The following AFF3 variants were observed in gnomAD, a reference collection of about 807,000 sequenced individuals.
AFF3 encodes ALF transcription elongation factor 3.
In AFF3, 32 loss-of-function variants were observed where a neutral mutation model predicts 129.7. The observed-to-expected ratio is 0.25, with a 90% CI of 0.19 to 0.33. The LOEUF (loss-of-function observed/expected upper bound fraction) is 0.33, where lower values mean the gene tolerates loss of function less well. Among genes scored for constraint, AFF3 ranks in the 10% least tolerant of loss-of-function variants. The probability of loss-of-function intolerance (pLI) is 1.00; values close to 1 mark genes in which losing one functional copy is unlikely to be tolerated. For synonymous variants in AFF3, 644 were observed against 635.4 expected (o/e 1.01, Z -0.20); for missense variants, 1,373 against 1,592.0 (o/e 0.86, Z 2.34).
At chr2:99,804,044 A>G in intron 8 of AFF3, among the ~76,000 whole-genome samples, 1 of 152,148 alleles carries the variant, frequency 6.6e-6, no homozygotes. Flanking sequence ...ATGACTAAGA[A>G]CCCAAAAGCA....
chr2:99,950,181 T>C (rs925495691), intron 7 of AFF3, among the ~76,000 whole-genome samples: 3 of 152,206 alleles, frequency 2.0e-5, no homozygotes, highest in Non-Finnish European at 4.4e-5. Flanking sequence ...TCAACTCAGT[T>C]TGGACAAATA....
intron 14 of AFF3, among the ~76,000 whole-genome samples, chr2:99,595,683 G>A (rs982934332): frequency 1.3e-5 from 2 of 152,112 alleles, no homozygotes; most frequent in African/African-American, 4.8e-5. Context: ...CAGGGCTCTT[G>A]GCCTCACCCC....
intron 7 of AFF3, among the ~76,000 whole-genome samples, chr2:99,855,723 G>C (rs138266168): frequency 2.0e-5 from 3 of 152,128 alleles, no homozygotes; most frequent in African/African-American, 4.8e-5. Flanking sequence ...AAGGTGGAGC[G>C]TAACTCCCCA....
intron 15 of AFF3, among the ~76,000 whole-genome samples, chr2:99,591,679 C>T (rs969385240): frequency 2.6e-5 from 4 of 152,194 alleles, no homozygotes; most frequent in East Asian, 1.9e-4. Context: ...AGCTGTGAAA[C>T]GTATGTGTCC....
chr2:99,578,447 G>T lies in AFF3; in HGVS notation c.2798C>A (p.Ala933Glu). 1 of 1,609,562 alleles carries T rather than the reference G, an allele frequency of 6.2e-7. No individual in the cohort carries two copies. Among genetic ancestry groups the T allele is most frequent in the East Asian group, 2.2e-5 (1 of 44,686 alleles). The change falls in exon 18 of 25, where the codon GCA (alanine) becomes GAA (glutamate). Residue 933 changes from alanine (A) to glutamate (E), a missense_variant. This residue lies in a region of AFF3 where 466 missense variants were observed against 505.0 expected (regional missense o/e 0.92). Transcript: ENST00000672756. ...LQPHGGDLTK[A>E]AHNNSENIPL... The stretch of plus-strand genomic sequence containing the variant: ...AATGTTTTCAGAATTGTTGTGAGCT[G>T]CTTTCTAAACAACAAACAACACACA...
chr2:99,996,378 G>C (rs561109164), intron 7 of AFF3, among the ~76,000 whole-genome samples: 1 of 152,208 alleles, frequency 6.6e-6, no homozygotes, highest in East Asian at 1.9e-4. Flanking sequence ...TAGAACCACA[G>C]GTGATTTTTT....
At chr2:100,136,405 G>A (rs993695336) in intron 1 of AFF3, among the ~76,000 whole-genome samples, 3 of 152,216 alleles carry the variant, frequency 2.0e-5, no homozygotes, top group Non-Finnish European at 1.5e-5. Context: ...TGATCTGGGA[G>A]GCAGAGGAGG....
chr2:99,566,983 T>C (rs886618834), intron 19 of AFF3, among the ~76,000 whole-genome samples: 7 of 151,734 alleles, frequency 4.6e-5, no homozygotes, highest in Non-Finnish European at 8.8e-5. Context: ...TTTTTTTTTT[T>C]TGGAGACAGG....
intron 11 of AFF3, among the ~76,000 whole-genome samples, chr2:99,677,719 C>A (rs549249546): frequency 6.6e-6 from 1 of 152,212 alleles, no homozygotes; most frequent in Non-Finnish European, 1.5e-5. Context: ...TGCAGTTTGC[C>A]GAGCACTACC....
intron 8 of AFF3, among the ~76,000 whole-genome samples, chr2:99,799,148 T>C (rs942147696): frequency 4.0e-5 from 6 of 151,888 alleles, no homozygotes; most frequent in African/African-American, 1.4e-4. Context: ...TACTTAGGAA[T>C]AAATCTGACA....
At position 99,974,576 on chromosome 2, in the gene AFF3, C is replaced by T. The variant is rs192405557; in HGVS notation, c.873+32056G>A. 3.7e-3 allele frequency among the ~76,000 whole-genome samples: 565 copies of T among 152,254 alleles called. 5 individuals carry two copies. The highest frequency in any genetic ancestry group is 0.013 in the African/African-American group (530 of 41,542). On this transcript the variant is annotated intron_variant, in intron 7 of 24. Transcript: ENST00000672756. Reference sequence around the variant, plus strand: ...TCTCTCCTTTACTACCAGGGTGCTGCGGCATTTATCTCAAACCTGTCTCTA... The same window carrying T: ...TCTCTCCTTTACTACCAGGGTGCTGTGGCATTTATCTCAAACCTGTCTCTA...
chr2:100,029,619 TTGAGACAGAAAG>T (rs1684321850), intron 4 of AFF3, among the ~76,000 whole-genome samples: 1 of 152,110 alleles, frequency 6.6e-6, no homozygotes, highest in South Asian at 2.1e-4. Context: ...GTCAAATTCA[TTGAGACAGAAAG>T]TAGAAGGACG....
At chr2:100,032,816 T>C (rs1415017614) in intron 4 of AFF3, among the ~76,000 whole-genome samples, 5 of 152,214 alleles carry the variant, frequency 3.3e-5, no homozygotes, top group Admixed American at 1.3e-4. Flanking sequence ...CTGTGTGTCT[T>C]AATTACTATA....
intron 11 of AFF3, among the ~76,000 whole-genome samples, chr2:99,704,043 T>C (rs534694912): frequency 3.3e-5 from 5 of 152,300 alleles, no homozygotes; most frequent in African/African-American, 1.2e-4. Context: ...TCCATTTAGA[T>C]CTCTGTATCC....
At position 99,601,438 on chromosome 2, in the gene AFF3, G is replaced by T; in HGVS notation, c.1368C>A (p.Pro456=). 2 of 1,603,812 alleles carry T rather than the reference G, an allele frequency of 1.2e-6. No individual in the cohort carries two copies. Among genetic ancestry groups the T allele is most frequent in the Non-Finnish European group, 8.5e-7 (1 of 1,174,126 alleles). Residue 456 remains proline (P), a synonymous_variant, in exon 14 of 25, where the codon CCC becomes CCA. Transcript: ENST00000672756. ...GCCTGAGCCAGGCAGCGCTTACCTC[G>T]GGGCTGGAGAAGTGGGGGGGCTTGC... The part of the protein sequence containing the change: ...EGSKPPHFSS[P]EAEPASSNKW...
chr2:99,609,708 A>G (rs938572284), intron 13 of AFF3, among the ~76,000 whole-genome samples: 3 of 152,262 alleles, frequency 2.0e-5, no homozygotes, highest in Non-Finnish European at 4.4e-5. Flanking sequence ...CAAGAAAAAT[A>G]GTACAGAGAT....
intron 7 of AFF3, among the ~76,000 whole-genome samples, chr2:99,942,965 C>CCCCT (rs1240612951): frequency 6.6e-6 from 1 of 152,144 alleles, no homozygotes; most frequent in African/African-American, 2.4e-5. Context: ...AAAGCAGAAA[C>CCCCT]CCCTCCTTTT....
intron 14 of AFF3, among the ~76,000 whole-genome samples, chr2:99,595,954 G>C (rs1197266087): frequency 6.6e-6 from 1 of 152,224 alleles, no homozygotes; most frequent in African/African-American, 2.4e-5. Flanking sequence ...TGGTGACTTG[G>C]AGAAGCAAGA....
At chr2:99,873,396 AAAC>A (rs78919324) in intron 7 of AFF3, among the ~76,000 whole-genome samples, 4,401 of 152,310 alleles carry the variant, frequency 0.029, 81 homozygotes, top group Non-Finnish European at 0.04. Flanking sequence ...GAAAAAAGAC[AAAC>A]AACATTTTTG....
Sources: allele counts gnomAD v4.1 joint callset (sites outside exome capture counted in the v4.1 genomes callset), GRCh38; gene constraint gnomAD v4.1.1; regional missense constraint gnomAD v4.1.1; transcripts MANE v1.5; gene names NCBI Gene and HGNC (gene_info 2026-07-23, HGNC 2026-07-21).